The following DNAI7 variants were observed in gnomAD, a reference collection of about 807,000 sequenced individuals.
The protein encoded by DNAI7 is cancer susceptibility 1.
In DNAI7, 78 loss-of-function variants were observed where a neutral mutation model predicts 86.6. That is an observed-to-expected ratio of 0.90 (90% CI 0.75 to 1.09). DNAI7 has a LOEUF of 1.09. Ranked by LOEUF, DNAI7 falls within the 50% of genes least tolerant of loss-of-function variation. The pLI, the probability that DNAI7 is intolerant of heterozygous loss-of-function variation, is 0.00. For synonymous variants in DNAI7, 274 were observed against 273.0 expected (o/e 1.00, Z -0.04); for missense variants, 753 against 810.2 (o/e 0.93, Z 0.86).
At chr12:25,174,244 G>T (rs568846957) in intron 2 of DNAI7, among the ~76,000 whole-genome samples, 2 of 105,006 alleles carry the variant, frequency 1.9e-5, no homozygotes, top group Non-Finnish European at 2.0e-5. Flanking sequence ...GTCTGTTTAC[G>T]CTGCTGACTG....
intron 7 of DNAI7, 38 bp downstream of exon 7, chr12:25,149,590 T>G: frequency 7.0e-7 from 1 of 1,433,134 alleles, no homozygotes; most frequent in Middle Eastern, 1.9e-4. Context: ...ATGTTAGCTC[T>G]TATAAAACTT....
chr12:25,111,821 T>C lies in DNAI7; in HGVS notation c.1730A>G (p.Asn577Ser), dbSNP rs1938888615. 2.5e-6 allele frequency: 4 copies of C among 1,602,248 alleles called. No individual in the cohort carries two copies. In the East Asian group the frequency reaches 6.7e-5, roughly 27 times the overall value. ...ATGAGAGTGTCTAGTAGGAAAGATA[T>C]TCAGTCCAGCTTCTTTCAAAGCAAT... ...FIIALKEAGL[N>S]IFPTRHSHFY... Residue 577 changes from asparagine (N) to serine (S), a missense_variant, in exon 14 of 16, where the codon AAT becomes AGT. Physicochemically the swap from Asn to Ser is conservative, Grantham distance 46. Coordinates refer to ENST00000395987, the MANE Select transcript of DNAI7 (RefSeq NM_018272.5).
Position 25,163,482 on chromosome 12 carries a change from C to G in DNAI7, c.22-2285G>C, listed in dbSNP as rs549147907. Reference sequence around the variant, plus strand: ...TTTGACGGTGATTTTCCTTTACCTACGCAAATCTTATAAAACGGCCCTACC... The same window carrying G: ...TTTGACGGTGATTTTCCTTTACCTAGGCAAATCTTATAAAACGGCCCTACC... On this transcript the variant is annotated intron_variant, in intron 2 of 15. Coordinates refer to ENST00000395987, the MANE Select transcript of DNAI7 (RefSeq NM_018272.5). 3.3e-5 allele frequency among the ~76,000 whole-genome samples: 5 copies of G among 152,276 alleles called. No homozygotes were observed. In the South Asian group the frequency reaches 1.0e-3, roughly 32 times the overall value.
chr12:25,166,354 C>T (rs1336370796), intron 2 of DNAI7, among the ~76,000 whole-genome samples: 1 of 152,136 alleles, frequency 6.6e-6, no homozygotes, highest in Non-Finnish European at 1.5e-5. Context: ...CTCCTATCCT[C>T]AATACCTCCC....
chr12:25,159,626 T>C (rs1946610862), intron 3 of DNAI7, among the ~76,000 whole-genome samples: 1 of 152,204 alleles, frequency 6.6e-6, no homozygotes. Context: ...ACTTCCATAA[T>C]CTTGTGACAT....
chr12:25,141,120 C>G (rs1319981251), intron 9 of DNAI7, among the ~76,000 whole-genome samples: 1 of 152,148 alleles, frequency 6.6e-6, no homozygotes, highest in Non-Finnish European at 1.5e-5. Context: ...TAGAAAATAA[C>G]ATTGGAACAA....
chr12:25,133,749 T>C lies in DNAI7; in HGVS notation c.1003-10463A>G, dbSNP rs1232677883. On this transcript the variant is annotated intron_variant, in intron 9 of 15. Transcript: ENST00000395987. The stretch of plus-strand genomic sequence containing the variant: ...GTGTCTGTTGGGTGGTGGTGAGATA[T>C]GTTCCTGGAAATGAGGGTGCTGAGT... Among the ~76,000 whole-genome samples the C allele has an allele frequency of 2.0e-5, 3 of 152,334 alleles. No homozygotes were observed. In the East Asian group the frequency reaches 5.8e-4, roughly 29 times the overall value.
At position 25,165,867 on chromosome 12, in the gene DNAI7, T is replaced by TC. The variant is rs369468230; in HGVS notation, c.22-4671dup. On this transcript the variant is annotated intron_variant, in intron 2 of 15. Coordinates refer to ENST00000395987, the MANE Select transcript of DNAI7 (RefSeq NM_018272.5). The stretch of plus-strand genomic sequence containing the variant: ...ATTTAGACAGTACTCTTTTAAGCAC[T>TC]CCTTTTTAGTTATCCCCACCCGCCC... Among the ~76,000 whole-genome samples the TC allele has an allele frequency of 3.1e-4, 47 of 152,282 alleles. No homozygotes were observed. The Middle Eastern group carries it at 0.01, about 33-fold the overall frequency.
At chr12:25,133,515 C>G (rs545580786) in intron 9 of DNAI7, among the ~76,000 whole-genome samples, 2 of 152,282 alleles carry the variant, frequency 1.3e-5, no homozygotes, top group Admixed American at 6.5e-5. Flanking sequence ...ATTCTTCGCT[C>G]TAAGCAGTCA....
At position 25,139,287 on chromosome 12, in the gene DNAI7, G is replaced by C. The variant is rs554472194; in HGVS notation, c.1002+5078C>G. The stretch of plus-strand genomic sequence containing the variant: ...AGCTGAATTCTATCAGGCATTCAAA[G>C]AAAAATTGATACCAATCCTATTGAC... On this transcript the variant is annotated intron_variant, in intron 9 of 15. Transcript: ENST00000395987. 1.4e-4 allele frequency among the ~76,000 whole-genome samples: 22 copies of C among 152,170 alleles called. No homozygotes were observed. In the East Asian group the frequency reaches 4.1e-3, roughly 28 times the overall value.
chr12:25,172,604 C>T (rs1365020069), intron 2 of DNAI7, among the ~76,000 whole-genome samples: 2 of 152,080 alleles, frequency 1.3e-5, no homozygotes, highest in Admixed American at 6.6e-5. Flanking sequence ...AAAAACAATT[C>T]TAAAATTCAT....
intron 2 of DNAI7, among the ~76,000 whole-genome samples, chr12:25,187,632 C>T (rs1049501622): frequency 6.6e-6 from 1 of 151,744 alleles, no homozygotes; most frequent in African/African-American, 2.4e-5. Context: ...ATTGTGATAG[C>T]AAAAAATAGG....
intron 9 of DNAI7, among the ~76,000 whole-genome samples, chr12:25,138,306 T>C (rs967775541): frequency 2.0e-5 from 3 of 151,974 alleles, no homozygotes; most frequent in Non-Finnish European, 2.9e-5. Flanking sequence ...CTACTAAAAA[T>C]ACAAAAAATA....
At chr12:25,158,406 A>T in intron 4 of DNAI7, 66 bp downstream of exon 4, 1 of 1,303,784 alleles carries the variant, frequency 7.7e-7, no homozygotes, top group Non-Finnish European at 1.1e-6. Context: ...GAAGGACATT[A>T]AATGACAATA....
At chr12:25,133,837 C>T (rs1378999935) in intron 9 of DNAI7, among the ~76,000 whole-genome samples, 1 of 152,130 alleles carries the variant, frequency 6.6e-6, no homozygotes, top group Non-Finnish European at 1.5e-5. Flanking sequence ...GATATAAATC[C>T]TCCAGCCAGG....
chr12:25,190,509 C>T (rs1218530659), intron 2 of DNAI7, 105 bp downstream of exon 2: 4 of 461,930 alleles, frequency 8.7e-6, no homozygotes, highest in Non-Finnish European at 1.5e-5. Context: ...GCTTAGTAAA[C>T]TCTACAAACT....
At chr12:25,116,418 C>T (rs1345118637) in intron 12 of DNAI7, among the ~76,000 whole-genome samples, 4 of 152,106 alleles carry the variant, frequency 2.6e-5, no homozygotes, top group Non-Finnish European at 5.9e-5. Context: ...TTGTAAATTA[C>T]TGCTTTCTAA....
chr12:25,128,659 G>C (rs1942465596), intron 9 of DNAI7, among the ~76,000 whole-genome samples: 1 of 152,082 alleles, frequency 6.6e-6, no homozygotes, highest in African/African-American at 2.4e-5. Flanking sequence ...TCTGTAAACT[G>C]TATCACCATA....
intron 2 of DNAI7, among the ~76,000 whole-genome samples, chr12:25,183,968 T>A (rs1198500900): frequency 6.6e-6 from 1 of 152,206 alleles, no homozygotes; most frequent in Non-Finnish European, 1.5e-5. Context: ...GTAATTTTAA[T>A]GGCTACTACA....
Sources: gnomAD v4.1 joint callset for allele counts (sites outside exome capture counted in the v4.1 genomes callset) on GRCh38, gnomAD v4.1.1 for gene constraint, MANE v1.5 for transcripts, NCBI Gene and HGNC (gene_info 2026-07-23, HGNC 2026-07-21) for gene names.